The following EPHA6 variants were observed in gnomAD, a reference collection of about 807,000 sequenced individuals.
EPHA6 encodes EPH receptor A6.
Under a neutral mutation model 112.0 loss-of-function variants are expected in EPHA6, and 50 were observed. That is an observed-to-expected ratio of 0.45 (90% CI 0.36 to 0.56). EPHA6 has a LOEUF of 0.56. EPHA6 is among the 20% of genes least tolerant of loss of function. The pLI is 0.00. For synonymous variants in EPHA6, 529 were observed against 490.7 expected, an observed-to-expected ratio of 1.08 and a Z score of -1.03; for missense variants, 1,280 against 1,417.4, an observed-to-expected ratio of 0.90 and a Z score of 1.56.
At chr3:97,193,901 C>T (rs114437116) in intron 3 of EPHA6, among the ~76,000 whole-genome samples, 2,088 of 152,084 alleles carry the variant, frequency 0.014, 45 homozygotes, top group African/African-American at 0.045. Context: ...GAAATGATCA[C>T]GTTTTTTGTC....
At chr3:97,048,738 A>G (rs749147742) in intron 3 of EPHA6, among the ~76,000 whole-genome samples, 2 of 152,198 alleles carry the variant, frequency 1.3e-5, no homozygotes, top group African/African-American at 2.4e-5. Context: ...AGTGAACAAA[A>G]CTGTGCAAAA....
intron 3 of EPHA6, among the ~76,000 whole-genome samples, chr3:97,219,199 T>G (rs554669713): frequency 6.6e-6 from 1 of 152,172 alleles, no homozygotes; most frequent in East Asian, 1.9e-4. Context: ...GTCAGTGGTC[T>G]ACCATTCTGG....
Position 97,066,658 on chromosome 3 carries a change from A to G in EPHA6, c.1114+78665A>G, listed in dbSNP as rs1421942804. Among the ~76,000 whole-genome samples the G allele has an allele frequency of 2.6e-5, 4 of 152,198 alleles. No homozygotes were observed. In the South Asian group the frequency reaches 8.3e-4, roughly 31 times the overall value. ...CTACCTTTTCCAGTATTTTGCAACA[A>G]GCAGCCTCACTGGAGTCTTCTCAGC... On this transcript the variant is annotated intron_variant, in intron 3 of 17. Coordinates refer to ENST00000389672, the MANE Select transcript of EPHA6 (RefSeq NM_001080448.3).
chr3:97,137,156 G>T (rs570043166), intron 3 of EPHA6, among the ~76,000 whole-genome samples: 1 of 152,216 alleles, frequency 6.6e-6, no homozygotes, highest in Admixed American at 6.5e-5. Flanking sequence ...AATTCAGTGG[G>T]GGGACAGGTA....
At chr3:97,499,751 A>G (rs1002538330) in intron 10 of EPHA6, among the ~76,000 whole-genome samples, 1 of 152,218 alleles carries the variant, frequency 6.6e-6, no homozygotes, top group Admixed American at 6.5e-5. Context: ...AAAGTGCCCT[A>G]CCTGTGTAGG....
At chr3:97,382,088 A>G (rs1165406090) in intron 5 of EPHA6, among the ~76,000 whole-genome samples, 1 of 152,120 alleles carries the variant, frequency 6.6e-6, no homozygotes, top group Non-Finnish European at 1.5e-5. Flanking sequence ...TTAGAAATGT[A>G]TATTTTAAAT....
At chr3:96,892,997 TGC>T (rs1433667499) in intron 2 of EPHA6, among the ~76,000 whole-genome samples, 11 of 151,406 alleles carry the variant, frequency 7.3e-5, no homozygotes, top group Admixed American at 7.2e-4. Flanking sequence ...TGTGTGTGTG[TGC>T]GCGCGCAAAG....
chr3:97,413,320 A>C (rs2087867304), intron 6 of EPHA6, among the ~76,000 whole-genome samples: 1 of 151,878 alleles, frequency 6.6e-6, no homozygotes, highest in Non-Finnish European at 1.5e-5. Flanking sequence ...AAGTACAGCC[A>C]TTGGAGCATC....
chr3:97,436,447 A>C (rs879811902), intron 6 of EPHA6, among the ~76,000 whole-genome samples: 2 of 152,180 alleles, frequency 1.3e-5, no homozygotes, highest in African/African-American at 2.4e-5. Flanking sequence ...TTTAAATGGG[A>C]AAAAGTGAAA....
intron 3 of EPHA6, among the ~76,000 whole-genome samples, chr3:97,182,592 A>G (rs927101405): frequency 2.6e-5 from 4 of 152,102 alleles, no homozygotes; most frequent in Non-Finnish European, 5.9e-5. Context: ...AATGAAGGTG[A>G]CAGAACTGCA....
chr3:97,515,048 A>G (rs1379406301), intron 10 of EPHA6, among the ~76,000 whole-genome samples: 1 of 152,244 alleles, frequency 6.6e-6, no homozygotes, highest in Admixed American at 6.5e-5. Context: ...CTGAGCTACA[A>G]ATGTAGATTT....
intron 14 of EPHA6, chr3:97,648,605 A>C (rs2094085055): frequency 8.7e-7 from 1 of 1,145,498 alleles, no homozygotes. Context: ...TTTCATTAAC[A>C]TGAGTAAATG....
chr3:96,941,559 C>A (rs547176390), intron 2 of EPHA6, among the ~76,000 whole-genome samples: 1 of 152,178 alleles, frequency 6.6e-6, no homozygotes, highest in African/African-American at 2.4e-5. Context: ...TCCTGTAGCT[C>A]GGAGTAGTTT....
chr3:97,082,154 C>T (rs1262706695), intron 3 of EPHA6, among the ~76,000 whole-genome samples: 2 of 151,770 alleles, frequency 1.3e-5, no homozygotes, highest in Non-Finnish European at 2.9e-5. Context: ...TGCATCACCT[C>T]ACATTTATCA....
chr3:97,731,830 C>T (rs2035049243), intron 15 of EPHA6, among the ~76,000 whole-genome samples: 1 of 151,976 alleles, frequency 6.6e-6, no homozygotes, highest in Non-Finnish European at 1.5e-5. Flanking sequence ...AGAATTGCTT[C>T]TTCTCCTCTG....
intron 11 of EPHA6, among the ~76,000 whole-genome samples, chr3:97,537,864 C>A (rs903388517): frequency 2.6e-5 from 4 of 152,180 alleles, no homozygotes; most frequent in East Asian, 1.9e-4. Flanking sequence ...TAGGCATGAG[C>A]CACAGCACCT....
At chr3:97,322,483 C>T (rs981194972) in intron 5 of EPHA6, among the ~76,000 whole-genome samples, 1 of 151,944 alleles carries the variant, frequency 6.6e-6, no homozygotes, top group African/African-American at 2.4e-5. Flanking sequence ...AATGACACTG[C>T]TTTCCATGGC....
intron 2 of EPHA6, among the ~76,000 whole-genome samples, chr3:96,924,367 C>A (rs2039926670): frequency 6.6e-6 from 1 of 152,076 alleles, no homozygotes; most frequent in African/African-American, 2.4e-5. Context: ...CTTCACTTCC[C>A]TTATTAGCTG....
intron 3 of EPHA6, among the ~76,000 whole-genome samples, chr3:97,090,360 C>T (rs1323549221): frequency 1.3e-5 from 2 of 152,020 alleles, no homozygotes; most frequent in East Asian, 3.9e-4. Context: ...ACATTTTATA[C>T]ATTTACTTGT....
Sources: gnomAD v4.1 joint callset for allele counts (sites outside exome capture counted in the v4.1 genomes callset) on GRCh38, gnomAD v4.1.1 for gene constraint, MANE v1.5 for transcripts, NCBI Gene and HGNC (gene_info 2026-07-23, HGNC 2026-07-21) for gene names.